The following PLXNC1 variants were observed in gnomAD, a reference collection of about 807,000 sequenced individuals.
PLXNC1 encodes the protein plexin C1.
In PLXNC1, 75 loss-of-function variants were observed where a neutral mutation model predicts 178.2. The observed-to-expected ratio is 0.42, with a 90% CI of 0.35 to 0.51. The LOEUF (loss-of-function observed/expected upper bound fraction) is 0.51, where lower values mean the gene tolerates loss of function less well. Among genes scored for constraint, PLXNC1 ranks in the 20% least tolerant of loss-of-function variants. The pLI, the probability that PLXNC1 is intolerant of heterozygous loss-of-function variation, is 0.02. For missense variants in PLXNC1, 1,503 were observed against 1,984.4 expected (o/e 0.76, Z 4.61); for synonymous variants, 790 against 779.9 (o/e 1.01, Z -0.22).
intron 4 of PLXNC1, among the ~76,000 whole-genome samples, chr12:94,197,390 A>C (rs1374837861): frequency 6.6e-6 from 1 of 151,486 alleles, no homozygotes. Flanking sequence ...GGAGTGGGTT[A>C]CTTATCACAG....
intron 3 of PLXNC1, among the ~76,000 whole-genome samples, chr12:94,182,897 ATCT>A (rs1382907300): frequency 6.6e-6 from 1 of 151,650 alleles, no homozygotes; most frequent in Non-Finnish European, 1.5e-5. Flanking sequence ...CTATCTATCT[ATCT>A]ATCTATCATC....
Position 94,228,146 on chromosome 12 carries a change from G to A in PLXNC1, c.1980+911G>A, listed in dbSNP as rs895916476. ...ACTGAAAAGTTTATAGTAACTTCAGGTGAATTAACAACCAGGCAGAGGGAA... is the reference window on the plus strand; with the variant it reads ...ACTGAAAAGTTTATAGTAACTTCAGATGAATTAACAACCAGGCAGAGGGAA... On this transcript the variant is annotated intron_variant, in intron 9 of 30. Coordinates refer to ENST00000258526, the MANE Select transcript of PLXNC1 (RefSeq NM_005761.3). 2.6e-5 allele frequency among the ~76,000 whole-genome samples: 4 copies of A among 152,206 alleles called. No homozygotes were observed. The East Asian group carries it at 5.8e-4, about 22-fold the overall frequency.
chr12:94,180,567 A>G (rs1430938190), intron 2 of PLXNC1, among the ~76,000 whole-genome samples: 1 of 152,114 alleles, frequency 6.6e-6, no homozygotes, highest in East Asian at 1.9e-4. Context: ...CTGGGTACAT[A>G]ATGGGTGTTG....
At chr12:94,304,165 C>A (rs1968769069) in intron 30 of PLXNC1, 114 bp downstream of exon 30, 6 of 679,206 alleles carry the variant, frequency 8.8e-6, no homozygotes, top group Non-Finnish European at 1.2e-5. Flanking sequence ...GAAAGGGAAG[C>A]CAGGAAGCCT....
chr12:94,209,669 C>A lies in PLXNC1; in HGVS notation c.1519C>A (p.Pro507Thr). 6.2e-7 allele frequency: 1 copy of A among 1,611,664 alleles called. No individual in the cohort carries two copies. Among genetic ancestry groups the A allele is most frequent in the Non-Finnish European group, 8.5e-7 (1 of 1,177,904 alleles). Residue 507 changes from proline to threonine, a missense_variant, in exon 5 of 31, where the codon CCT becomes ACT. Coordinates refer to ENST00000258526, the MANE Select transcript of PLXNC1 (RefSeq NM_005761.3). ...LDISSGAKKCPKIQIIRSSKE... is the reference protein window; with the variant it reads ...LDISSGAKKCTKIQIIRSSKE... The stretch of plus-strand genomic sequence containing the variant: ...TATTTCGTCTGGAGCAAAAAAGTGC[C>A]CTAAAATTCAGATAATTCGAAGCAG...
chr12:94,237,836 A>G (rs931662227), intron 10 of PLXNC1, 33 bp downstream of exon 10: 2 of 1,605,838 alleles, frequency 1.2e-6, no homozygotes, highest in Non-Finnish European at 1.7e-6. Flanking sequence ...TATCCTCGGT[A>G]ACGTAACGCT....
At chr12:94,258,410 A>C (rs1964914053) in intron 17 of PLXNC1, among the ~76,000 whole-genome samples, 1 of 152,202 alleles carries the variant, frequency 6.6e-6, no homozygotes, top group Admixed American at 6.5e-5. Flanking sequence ...CTACAGAAGA[A>C]ATTTACTTCA....
At chr12:94,303,557 A>G (rs1166925451) in intron 28 of PLXNC1, among the ~76,000 whole-genome samples, 199 bp from the exon 29 acceptor site, 2 of 152,160 alleles carry the variant, frequency 1.3e-5, no homozygotes, top group African/African-American at 4.8e-5. Context: ...ACAGTGACTC[A>G]CCAGAACTAT....
At chr12:94,205,043 T>TA (rs1963258669) in intron 4 of PLXNC1, among the ~76,000 whole-genome samples, 2 of 152,302 alleles carry the variant, frequency 1.3e-5, no homozygotes, top group South Asian at 4.1e-4. Context: ...AAGTAGAAGT[T>TA]ACATTTCTGA....
rs561973117 is a variant in PLXNC1 at position 94,211,102 on chromosome 12, C to T, written c.1554+1398C>T. Among the ~76,000 whole-genome samples the T allele has an allele frequency of 4.6e-5, 7 of 152,326 alleles. No homozygotes were observed. In the South Asian group the frequency reaches 6.2e-4, roughly 14 times the overall value. ...TTAAAAGTGCTGCTTATACAACTTC[C>T]GTACCTAGCTAGGGGCTCACTATTA... On this transcript the variant is annotated intron_variant, in intron 5 of 30. Transcript: ENST00000258526.
intron 28 of PLXNC1, among the ~76,000 whole-genome samples, chr12:94,303,319 A>G (rs909721950): frequency 4.6e-5 from 7 of 152,328 alleles, no homozygotes; most frequent in African/African-American, 1.7e-4. Flanking sequence ...ATGGTTATAT[A>G]AAGGGCTCAA....
chr12:94,292,118 G>A (rs956672938), intron 23 of PLXNC1, among the ~76,000 whole-genome samples: 13 of 152,124 alleles, frequency 8.5e-5, no homozygotes, highest in Admixed American at 8.5e-4. Context: ...CTAACACATA[G>A]TAATAATGAA....
At chr12:94,223,926 C>T (rs996453741) in intron 6 of PLXNC1, among the ~76,000 whole-genome samples, 5 of 152,058 alleles carry the variant, frequency 3.3e-5, no homozygotes, top group African/African-American at 1.2e-4. Flanking sequence ...ATAGTGATCC[C>T]TAGGAGAGTA....
chr12:94,182,649 C>T (rs1192384457), intron 3 of PLXNC1, among the ~76,000 whole-genome samples: 2 of 151,270 alleles, frequency 1.3e-5, no homozygotes, highest in African/African-American at 4.9e-5. Flanking sequence ...CGCTTGAAAC[C>T]AGGAGGTGGA....
At chr12:94,238,773 C>T (rs1964305812) in intron 10 of PLXNC1, among the ~76,000 whole-genome samples, 1 of 152,206 alleles carries the variant, frequency 6.6e-6, no homozygotes, top group African/African-American at 2.4e-5. Context: ...CTGCACATCA[C>T]TGCCATGCCC....
chr12:94,169,303 C>G lies in PLXNC1; in HGVS notation c.1203+10C>G, dbSNP rs1354368262. Reference sequence around the variant, plus strand: ...TGGCCAGTTACTTAAGGTTGGTTTTCTGTGCCTTCTTCAAATGTCTATTTT... The same window carrying G: ...TGGCCAGTTACTTAAGGTTGGTTTTGTGTGCCTTCTTCAAATGTCTATTTT... On this transcript the variant is annotated intron_variant, in intron 2 of 30. Coordinates refer to ENST00000258526, the MANE Select transcript of PLXNC1 (RefSeq NM_005761.3). 1 of 1,611,308 alleles carries G rather than the reference C, an allele frequency of 6.2e-7. No individual in the cohort carries two copies. Among genetic ancestry groups the G allele is most frequent in the Non-Finnish European group, 8.5e-7 (1 of 1,178,122 alleles).
Position 94,149,260 on chromosome 12 carries a change from G to GCGCGGC in PLXNC1, c.291_296dup (p.Arg100_Pro101dup). 6.5e-7 allele frequency: 1 copy of GCGCGGC among 1,539,518 alleles called. No individual in the cohort carries two copies. The highest frequency in any genetic ancestry group is 1.2e-5 in the South Asian group (1 of 83,100). On this transcript the variant is annotated inframe_insertion, in exon 1 of 31. Coordinates refer to ENST00000258526, the MANE Select transcript of PLXNC1 (RefSeq NM_005761.3). ...AGAGCCGGTCTCGCTGGCGCCCCCC[G>GCGCGGC]CGCGGCCCCGGCCCGGGAGCAGCTT... is the stretch of plus-strand genomic sequence containing the variant.
chr12:94,294,332 C>T (rs1419032534), intron 23 of PLXNC1, among the ~76,000 whole-genome samples, 154 bp from the exon 24 acceptor site: 2 of 152,210 alleles, frequency 1.3e-5, no homozygotes. Flanking sequence ...TAGTCCCAGC[C>T]TCCAGCACAG....
chr12:94,175,515 C>T (rs1173338366), intron 2 of PLXNC1, among the ~76,000 whole-genome samples: 1 of 152,158 alleles, frequency 6.6e-6, no homozygotes, highest in Non-Finnish European at 1.5e-5. Context: ...CAGTTAATTT[C>T]AGCAGTGTAG....
Sources: gnomAD v4.1 joint callset for allele counts (sites outside exome capture counted in the v4.1 genomes callset) on GRCh38, gnomAD v4.1.1 for gene constraint, MANE v1.5 for transcripts, NCBI Gene and HGNC (gene_info 2026-07-23, HGNC 2026-07-21) for gene names.